The following PCCA variants were observed in gnomAD, a reference collection of about 807,000 sequenced individuals.
PCCA encodes propionyl-CoA carboxylase subunit alpha.
PCCA carries 74 observed loss-of-function variants against 101.3 expected under a neutral mutation model. That is an observed-to-expected ratio of 0.73 (90% CI 0.61 to 0.89). The LOEUF (loss-of-function observed/expected upper bound fraction) is 0.89. Ranked by LOEUF, PCCA falls within the 40% of genes least tolerant of loss-of-function variation. PCCA has a pLI of 0.00. For synonymous variants in PCCA, 294 were observed against 313.6 expected (o/e 0.94, Z 0.66); for missense variants, 891 against 907.0 (o/e 0.98, Z 0.23).
intron 18 of PCCA, among the ~76,000 whole-genome samples, chr13:100,350,129 C>T (rs1312332227): frequency 6.6e-6 from 1 of 152,036 alleles, no homozygotes; most frequent in Non-Finnish European, 1.5e-5. Context: ...AAAAAGTAAC[C>T]GTGTGAAAAT....
chr13:100,140,733 G>T (rs2051766197), intron 4 of PCCA, among the ~76,000 whole-genome samples: 1 of 152,170 alleles, frequency 6.6e-6, no homozygotes, highest in Non-Finnish European at 1.5e-5. Context: ...GTTGAATTCA[G>T]TGGGATAGTT....
chr13:100,179,745 T>TTG (rs60348261), intron 6 of PCCA, among the ~76,000 whole-genome samples: 45 of 93,776 alleles, frequency 4.8e-4, no homozygotes, highest in Non-Finnish European at 7.7e-4. Context: ...GTGTGTGTGT[T>TTG]TGTGTGTGTG....
At chr13:100,092,847 A>T (rs2046405012) in intron 1 of PCCA, among the ~76,000 whole-genome samples, 1 of 152,202 alleles carries the variant, frequency 6.6e-6, no homozygotes, top group Admixed American at 6.5e-5. Flanking sequence ...CATGCTGATA[A>T]ATTTCTGACA....
rs2060521890 is a variant in PCCA at position 100,232,330 on chromosome 13, GTTTA to G, written c.601-3510_601-3507del. On this transcript the variant is annotated intron_variant, in intron 7 of 23. Coordinates refer to ENST00000376285, the MANE Select transcript of PCCA (RefSeq NM_000282.4). Reference sequence around the variant, plus strand: ...CTTTCCATGGTAGCTAGCTGTTTATGTTTATGTGTGTGTGTGTATGCGTGTGTGT... The same window carrying G: ...CTTTCCATGGTAGCTAGCTGTTTATGTGTGTGTGTGTGTATGCGTGTGTGT... 3.4e-5 allele frequency among the ~76,000 whole-genome samples: 5 copies of G among 148,630 alleles called. No individual in the cohort carries two copies. In the South Asian group the frequency reaches 8.7e-4, roughly 26 times the overall value.
chr13:100,187,543 A>T lies in PCCA; in HGVS notation c.469-21789A>T, dbSNP rs117813671. ...AGAATTATATTACTTTAAAGAATGT[A>T]TTTTTTAAATTTGGATATTTACACA... On this transcript the variant is annotated intron_variant, in intron 6 of 23. Transcript: ENST00000376285. Among the ~76,000 whole-genome samples, 826 of 152,278 alleles carry T rather than the reference A, an allele frequency of 5.4e-3. 4 individuals are homozygous for T. The highest frequency in any genetic ancestry group is 9.1e-3 in the Non-Finnish European group (618 of 68,022).
chr13:100,368,657 C>G, intron 19 of PCCA, 83 bp downstream of exon 19: 5 of 857,522 alleles, frequency 5.8e-6, no homozygotes, highest in Non-Finnish European at 9.9e-6. Context: ...TTCAGTGACT[C>G]TCGTCTTTTG....
intron 4 of PCCA, among the ~76,000 whole-genome samples, chr13:100,134,850 C>T (rs1302424190): frequency 1.3e-5 from 2 of 151,744 alleles, no homozygotes; most frequent in African/African-American, 4.8e-5. Flanking sequence ...TTTAGGTCTG[C>T]TTTGATTTCT....
intron 17 of PCCA, among the ~76,000 whole-genome samples, chr13:100,331,465 G>A (rs147309154): frequency 1.6e-3 from 238 of 152,290 alleles, no homozygotes; most frequent in African/African-American, 5.5e-3. Flanking sequence ...CATATTAGGA[G>A]CTATATATAG....
chr13:100,132,112 G>T (rs1015435496), intron 4 of PCCA, among the ~76,000 whole-genome samples: 13 of 152,196 alleles, frequency 8.5e-5, no homozygotes, highest in African/African-American at 3.1e-4. Context: ...GGCCTGCAGT[G>T]TTGTTCACAA....
intron 22 of PCCA, among the ~76,000 whole-genome samples, chr13:100,524,983 G>GGATGGATGGATAGATA (rs1555330339): frequency 0.056 from 7,666 of 137,100 alleles, 212 homozygotes; most frequent in Middle Eastern, 0.076. Context: ...TCTCTAAGAT[G>GGATGGATGGATAGATA]GATAGATAGA....
intron 12 of PCCA, among the ~76,000 whole-genome samples, chr13:100,288,908 G>A (rs772627884): frequency 8.6e-5 from 13 of 152,002 alleles, no homozygotes; most frequent in Non-Finnish European, 1.9e-4. Flanking sequence ...AATAGCAACA[G>A]TAGTAGAGTA....
At chr13:100,232,752 A>G (rs1393708784) in intron 7 of PCCA, among the ~76,000 whole-genome samples, 1 of 152,134 alleles carries the variant, frequency 6.6e-6, no homozygotes, top group East Asian at 1.9e-4. Context: ...CCTGTCTGAA[A>G]CAAGTTCTCC....
rs547199431 is a variant in PCCA, at chr13:100,132,277, C to CCCTCAGACTCCCTTGTGAGTCATTACT, written c.300+20242_300+20243insTCCTCAGACTCCCTTGTGAGTCATTAC. ...TCAGAATGCAGAGTAGTTCCATTAC[C>CCCTCAGACTCCCTTGTGAGTCATTACT]CCTCAGACTCCCTTGTGAGTCATTA... On this transcript the variant is annotated intron_variant, in intron 4 of 23. Coordinates refer to ENST00000376285, the MANE Select transcript of PCCA (RefSeq NM_000282.4). Among the ~76,000 whole-genome samples, 413 of 152,046 alleles carry CCCTCAGACTCCCTTGTGAGTCATTACT rather than the reference C, an allele frequency of 2.7e-3. 3 individuals carry two copies. The highest frequency in any genetic ancestry group is 4.8e-3 in the Non-Finnish European group (327 of 67,904).
At position 100,368,544 on chromosome 13, in the gene PCCA, A is replaced by C. The variant is rs1487675834; in HGVS notation, c.1716A>C (p.Val572=). The change falls in exon 19 of 24, where the codon GTA becomes GTC. Residue 572 remains valine, a synonymous_variant. Coordinates refer to ENST00000376285, the MANE Select transcript of PCCA (RefSeq NM_000282.4). ...SVKLHDKVHT[V]VASNNGSVFS... is the part of the protein sequence containing the mutation. ...AATTGCATGATAAAGTTCATACCGT[A>C]GTAGCATCAAACAATGGGTCAGTGT... 1.2e-6 allele frequency: 2 copies of C among 1,609,682 alleles called. No homozygotes were observed. The highest frequency in any genetic ancestry group is 2.2e-5 in the South Asian group (2 of 90,938).
intron 23 of PCCA, among the ~76,000 whole-genome samples, chr13:100,529,515 A>G (rs1384702923): frequency 6.6e-6 from 1 of 152,158 alleles, no homozygotes; most frequent in Non-Finnish European, 1.5e-5. Flanking sequence ...AACCGGTAGG[A>G]CAAAAAGGCA....
chr13:100,493,752 A>T (rs937015292), intron 21 of PCCA, among the ~76,000 whole-genome samples: 1 of 152,200 alleles, frequency 6.6e-6, no homozygotes, highest in African/African-American at 2.4e-5. Flanking sequence ...TCCATCTTTC[A>T]CAAAACGTGA....
chr13:100,280,234 A>AT (rs1566854227), intron 12 of PCCA, among the ~76,000 whole-genome samples: 1 of 149,582 alleles, frequency 6.7e-6, no homozygotes, highest in African/African-American at 2.5e-5. Flanking sequence ...TTTTTGCTTT[A>AT]TTTTTTTTAA....
intron 21 of PCCA, among the ~76,000 whole-genome samples, chr13:100,475,295 G>A (rs2083331790): frequency 6.6e-6 from 1 of 151,982 alleles, no homozygotes; most frequent in South Asian, 2.1e-4. Context: ...CCAAAAAGAA[G>A]CCCCCTACCC....
intron 19 of PCCA, among the ~76,000 whole-genome samples, chr13:100,409,344 C>T (rs1329995868): frequency 2.6e-5 from 4 of 152,048 alleles, no homozygotes; most frequent in South Asian, 2.1e-4. Flanking sequence ...TTCCTTAGTT[C>T]GGCTAAAGAT....
Sources: gnomAD v4.1 joint callset for allele counts (sites outside exome capture counted in the v4.1 genomes callset) on GRCh38, gnomAD v4.1.1 for gene constraint, MANE v1.5 for transcripts, NCBI Gene and HGNC (gene_info 2026-07-23, HGNC 2026-07-21) for gene names.